The following DOCK9 variants were observed in gnomAD, a reference collection of about 807,000 sequenced individuals.
DOCK9 encodes the protein dedicator of cytokinesis protein 9.
Under a neutral mutation model 263.3 loss-of-function variants are expected in DOCK9, and 89 were observed. The observed-to-expected ratio is 0.34, with a 90% CI of 0.28 to 0.40. The LOEUF is 0.40. DOCK9 is among the 10% of genes least tolerant of loss of function. The pLI, the probability that DOCK9 is intolerant of heterozygous loss-of-function variation, is 1.00. For missense variants in DOCK9, 2,140 were observed against 2,603.4 expected, an observed-to-expected ratio of 0.82 and a Z score of 3.87; for synonymous variants, 976 against 973.1, an observed-to-expected ratio of 1.00 and a Z score of -0.06.
chr13:98,962,782 G>C (rs566795947), intron 1 of DOCK9, among the ~76,000 whole-genome samples: 121 of 152,212 alleles, frequency 7.9e-4, no homozygotes, highest in African/African-American at 2.8e-3. Context: ...GAAATTCAGG[G>C]GCTGAACCCA....
At chr13:98,985,276 A>C (rs1340779800) in intron 1 of DOCK9, among the ~76,000 whole-genome samples, 1 of 152,176 alleles carries the variant, frequency 6.6e-6, no homozygotes, top group Non-Finnish European at 1.5e-5. Flanking sequence ...GAAGCTTCTC[A>C]TTAAAGACAG....
chr13:99,056,241 T>C (rs1306622894), intron 1 of DOCK9, among the ~76,000 whole-genome samples: 1 of 152,198 alleles, frequency 6.6e-6, no homozygotes, highest in Non-Finnish European at 1.5e-5. Context: ...TGTTTCACCA[T>C]ACAAACTAAT....
intron 52 of DOCK9, chr13:98,796,266 A>G (rs2089390051): frequency 6.7e-7 from 1 of 1,503,692 alleles, no homozygotes; most frequent in African/African-American, 1.4e-5. Flanking sequence ...AAGCTCACAC[A>G]CTGACGTTCG....
chr13:98,976,283 CCAGAGGAA>C (rs2060271997), intron 1 of DOCK9, among the ~76,000 whole-genome samples: 1 of 152,110 alleles, frequency 6.6e-6, no homozygotes, highest in South Asian at 2.1e-4. Flanking sequence ...AAAAAGACCC[CCAGAGGAA>C]CTGCCTGGAG....
At position 98,817,451 on chromosome 13, in the gene DOCK9, CTTTTTT is replaced by C. The variant is rs10683281; in HGVS notation, c.5130+6941_5130+6946del. Reference sequence around the variant, plus strand: ...TGTGAGAACAGACTAATACACCCAGCTTTTTTTTTTTTTTTTTTTTTGGTAGGGATA... The same window carrying C: ...TGTGAGAACAGACTAATACACCCAGCTTTTTTTTTTTTTTTGGTAGGGATA... On this transcript the variant is annotated intron_variant, in intron 45 of 52. Coordinates refer to ENST00000682017, the MANE Select transcript of DOCK9 (RefSeq NM_001366683.2). 9.1e-3 allele frequency among the ~76,000 whole-genome samples: 885 copies of C among 97,614 alleles called. 8 individuals carry two copies. Among genetic ancestry groups the C allele is most frequent in the Non-Finnish European group, 0.011 (607 of 54,290 alleles). 64.0% of individuals were successfully genotyped at this position (97,614 alleles called of 152,430 possible).
Position 98,930,264 on chromosome 13 carries a change from AC to A in DOCK9, c.244-8del. On this transcript the variant is annotated splice_polypyrimidine_tract_variant and splice_region_variant and intron_variant, in intron 2 of 52. Transcript: ENST00000682017. The stretch of plus-strand genomic sequence containing the variant: ...GTCGTCTCAGGATGGCCGTCTGGAA[AC>A]AAAAACAGGAGGAAAAGCCTTGGGT... The A allele has an allele frequency of 1.2e-6, 2 of 1,605,934 alleles. No homozygotes were observed. Among genetic ancestry groups the A allele is most frequent in the Non-Finnish European group, 8.5e-7 (1 of 1,176,050 alleles).
chr13:98,842,083 A>G (rs181434788), intron 38 of DOCK9, among the ~76,000 whole-genome samples: 234 of 152,298 alleles, frequency 1.5e-3, no homozygotes, highest in Middle Eastern at 3.4e-3. Context: ...TGTATTTTTC[A>G]TATTAATTCA....
chr13:98,859,220 A>G (rs2093785573), intron 33 of DOCK9: 1 of 152,204 alleles, frequency 6.6e-6, no homozygotes, highest in Non-Finnish European at 1.5e-5. Context: ...AGACAGAGTG[A>G]AGGCCCAGAA....
intron 1 of DOCK9, among the ~76,000 whole-genome samples, chr13:99,017,053 T>C (rs891776966): frequency 1.3e-5 from 2 of 152,200 alleles, no homozygotes; most frequent in Non-Finnish European, 2.9e-5. Flanking sequence ...CTCCTGTATT[T>C]TTATGCAAAG....
chr13:98,950,599 G>A (rs1206359547), intron 2 of DOCK9, among the ~76,000 whole-genome samples: 1 of 152,134 alleles, frequency 6.6e-6, no homozygotes, highest in East Asian at 1.9e-4. Flanking sequence ...CAACGAACCC[G>A]GCCCAACACG....
At chr13:98,952,781 A>C (rs2057592964) in intron 2 of DOCK9, among the ~76,000 whole-genome samples, 1 of 152,210 alleles carries the variant, frequency 6.6e-6, no homozygotes, top group Admixed American at 6.5e-5. Context: ...ATTTTAGTAA[A>C]TTGTCATTTC....
chr13:98,977,806 G>A lies in DOCK9; in HGVS notation c.104C>T (p.Ala35Val). ...TACCGGCACAGGGCCCGGGCTCTCT[G>A]CTTCCACTTCGCCCTGAGCTGCATC... ...YKDAAQGEVE[A>V]ESPGPVPAKP... Residue 35 changes from alanine to valine, a missense_variant, in exon 1 of 53, where the codon GCA (alanine) becomes GTA (valine). By Grantham distance (64) the Ala-to-Val change is moderately conservative. This residue lies in a region of DOCK9 where 1,521 missense variants were observed against 1,741.7 expected (regional missense o/e 0.87). Coordinates refer to ENST00000682017, the MANE Select transcript of DOCK9 (RefSeq NM_001366683.2). 6.2e-7 allele frequency: 1 copy of A among 1,611,660 alleles called. No individual in the cohort carries two copies. The highest frequency in any genetic ancestry group is 2.2e-5 in the East Asian group (1 of 44,808).
At chr13:99,017,912 A>G (rs1007908999) in intron 1 of DOCK9, among the ~76,000 whole-genome samples, 2 of 152,234 alleles carry the variant, frequency 1.3e-5, no homozygotes, top group Non-Finnish European at 2.9e-5. Flanking sequence ...TAACTAAGTG[A>G]GGTAATAGGT....
At chr13:99,039,327 C>T (rs9557121) in intron 1 of DOCK9, among the ~76,000 whole-genome samples, 22,595 of 152,112 alleles carry the variant, frequency 0.15, 2,415 homozygotes, top group East Asian at 0.43. Context: ...GTGAAAATGG[C>T]TCTACAATCT....
At position 98,855,916 on chromosome 13, in the gene DOCK9, C is replaced by T; in HGVS notation, c.3813G>A (p.Lys1271=). The part of the protein sequence containing the change: ...GNSLPERNSE[K]SNSLDKHQQS... ...CAATTACCTTATCCAGGGAATTGCTCTTCTCACTATTCCTTTCTGGAAGGC... is the reference window on the plus strand; with the variant it reads ...CAATTACCTTATCCAGGGAATTGCTTTTCTCACTATTCCTTTCTGGAAGGC... The change falls in exon 34 of 53, where the codon AAG becomes AAA. Residue 1271 remains lysine, a synonymous_variant. Coordinates refer to ENST00000682017, the MANE Select transcript of DOCK9 (RefSeq NM_001366683.2). 1 of 1,613,930 alleles carries T rather than the reference C, an allele frequency of 6.2e-7. No individual in the cohort carries two copies. Among genetic ancestry groups the T allele is most frequent in the Non-Finnish European group, 8.5e-7 (1 of 1,179,850 alleles).
At chr13:98,853,758 C>T (rs565317966) in intron 34 of DOCK9, among the ~76,000 whole-genome samples, 2 of 152,262 alleles carry the variant, frequency 1.3e-5, no homozygotes, top group African/African-American at 4.8e-5. Flanking sequence ...GAGGGACAAG[C>T]AGAAGGCACA....
intron 1 of DOCK9, among the ~76,000 whole-genome samples, chr13:98,989,664 G>A (rs1178305218): frequency 2.0e-5 from 3 of 152,118 alleles, no homozygotes; most frequent in Admixed American, 6.5e-5. Flanking sequence ...GAGGTGGAGT[G>A]GGGTAGAGAT....
chr13:99,073,307 T>TTCTC (rs145465576), intron 1 of DOCK9, among the ~76,000 whole-genome samples: 11 of 149,794 alleles, frequency 7.3e-5, no homozygotes, highest in African/African-American at 2.0e-4. Context: ...TTCTCATTCA[T>TTCTC]TCTCTCTCTC....
chr13:99,008,234 A>ATTTTTT (rs398024127), intron 1 of DOCK9, among the ~76,000 whole-genome samples: 114 of 94,040 alleles, frequency 1.2e-3, no homozygotes, highest in Admixed American at 2.6e-3. Flanking sequence ...ATATATATAT[A>ATTTTTT]TTTTTTTTTT....
Sources: allele counts gnomAD v4.1 joint callset (sites outside exome capture counted in the v4.1 genomes callset), GRCh38; gene constraint gnomAD v4.1.1; regional missense constraint gnomAD v4.1.1; transcripts MANE v1.5; gene names NCBI Gene and HGNC (gene_info 2026-07-23, HGNC 2026-07-21).